ROBO2: variants seen among roughly 807,000 people sequenced by gnomAD.
ROBO2 encodes the protein roundabout guidance receptor 2.
A neutral mutation model predicts 160.8 loss-of-function variants in ROBO2; 53 were observed. The ratio of observed to expected loss-of-function variants is 0.33; its 90% CI spans 0.26 to 0.41. ROBO2 has a LOEUF of 0.41. Among genes scored for constraint, ROBO2 ranks in the 10% least tolerant of loss-of-function variants. The pLI, the probability that ROBO2 is intolerant of heterozygous loss-of-function variation, is 1.00. For missense variants in ROBO2, 1,577 were observed against 1,722.4 expected (o/e 0.92, Z 1.49); for synonymous variants, 664 against 611.7 (o/e 1.09, Z -1.26).
At chr3:77,414,122 A>G (rs1270800160) in intron 2 of ROBO2, among the ~76,000 whole-genome samples, 2 of 152,192 alleles carry the variant, frequency 1.3e-5, no homozygotes, top group Non-Finnish European at 2.9e-5. Context: ...AACCGTAGCT[A>G]GTAGGCAGAA....
chr3:76,609,846 C>T (rs12633662), intron 2 of ROBO2, among the ~76,000 whole-genome samples: 131,170 of 152,212 alleles, frequency 0.86, 58,186 homozygotes, highest in East Asian at 0.98. Flanking sequence ...ATGATACTAG[C>T]TGTGGGTCTG....
At chr3:77,268,623 C>T (rs1009132310) in intron 2 of ROBO2, among the ~76,000 whole-genome samples, 26 of 152,176 alleles carry the variant, frequency 1.7e-4, no homozygotes, top group Admixed American at 5.2e-4. Context: ...AGTACAATTT[C>T]TCTAATATTA....
At chr3:77,334,888 C>T (rs893596019) in intron 2 of ROBO2, among the ~76,000 whole-genome samples, 16 of 152,092 alleles carry the variant, frequency 1.1e-4, no homozygotes, top group Non-Finnish European at 2.2e-4. Flanking sequence ...AGGAGCAAGA[C>T]GATTATCTAT....
intron 2 of ROBO2, among the ~76,000 whole-genome samples, chr3:76,405,238 T>G (rs1193130720): frequency 6.6e-6 from 1 of 151,498 alleles, no homozygotes; most frequent in Non-Finnish European, 1.5e-5. Context: ...GGTTCTCATA[T>G]AAGGTTAAAA....
intron 2 of ROBO2, among the ~76,000 whole-genome samples, chr3:77,214,019 T>C (rs2084565359): frequency 6.6e-6 from 1 of 152,186 alleles, no homozygotes; most frequent in Admixed American, 6.5e-5. Flanking sequence ...AATTTTGGAA[T>C]AGGTGTGGTG....
intron 2 of ROBO2, among the ~76,000 whole-genome samples, chr3:76,117,754 G>T (rs1396587228): frequency 6.6e-6 from 1 of 152,096 alleles, no homozygotes; most frequent in Non-Finnish European, 1.5e-5. Context: ...TCTAGTGGGG[G>T]AGACAGATGT....
chr3:76,659,732 G>A (rs2091739236), intron 2 of ROBO2, among the ~76,000 whole-genome samples: 1 of 152,166 alleles, frequency 6.6e-6, no homozygotes, highest in Non-Finnish European at 1.5e-5. Context: ...GGGATTAACA[G>A]AAATAATCTG....
At chr3:76,017,131 A>G (rs2066427037) in intron 2 of ROBO2, among the ~76,000 whole-genome samples, 1 of 152,150 alleles carries the variant, frequency 6.6e-6, no homozygotes, top group African/African-American at 2.4e-5. Flanking sequence ...GCCAACTACA[A>G]CAATTTGTTT....
intron 2 of ROBO2, among the ~76,000 whole-genome samples, chr3:76,703,325 C>G (rs2093086304): frequency 6.6e-6 from 1 of 152,062 alleles, no homozygotes; most frequent in African/African-American, 2.4e-5. Flanking sequence ...CAGAAAAGCA[C>G]TAAACACCAA....
At chr3:76,612,784 C>T (rs2088237327) in intron 2 of ROBO2, among the ~76,000 whole-genome samples, 1 of 152,170 alleles carries the variant, frequency 6.6e-6, no homozygotes, top group East Asian at 1.9e-4. Context: ...ATATTCACAA[C>T]TGTTATATCC....
intron 2 of ROBO2, among the ~76,000 whole-genome samples, chr3:77,208,293 G>T (rs1278468458): frequency 6.6e-6 from 1 of 152,098 alleles, no homozygotes; most frequent in African/African-American, 2.4e-5. Context: ...TTTTGCTTTG[G>T]ATAAAATATC....
intron 1 of ROBO2, among the ~76,000 whole-genome samples, chr3:77,086,756 G>T (rs894696601): frequency 3.3e-5 from 5 of 152,042 alleles, no homozygotes; most frequent in African/African-American, 1.2e-4. Flanking sequence ...GCTCATGAAG[G>T]CTATAATTTT....
intron 4 of ROBO2, among the ~76,000 whole-genome samples, chr3:77,490,290 C>A (rs756506387): frequency 6.6e-6 from 1 of 151,876 alleles, no homozygotes; most frequent in African/African-American, 2.4e-5. Context: ...CGGGGTTTCA[C>A]CGTGTTAGCC....
intron 2 of ROBO2, among the ~76,000 whole-genome samples, chr3:76,515,155 T>C (rs1027121927): frequency 2.0e-5 from 3 of 152,200 alleles, no homozygotes; most frequent in Non-Finnish European, 4.4e-5. Context: ...TTTGAGATGT[T>C]TAAATAAGTG....
intron 2 of ROBO2, among the ~76,000 whole-genome samples, chr3:76,003,100 G>T (rs2065933645): frequency 6.6e-6 from 1 of 152,154 alleles, no homozygotes; most frequent in African/African-American, 2.4e-5. Flanking sequence ...GGCCCACTAT[G>T]TCCCATTCCT....
intron 17 of ROBO2, among the ~76,000 whole-genome samples, chr3:77,589,628 T>G (rs1421144059): frequency 6.6e-6 from 1 of 152,054 alleles, no homozygotes; most frequent in African/African-American, 2.4e-5. Flanking sequence ...AAGACAGAGT[T>G]TCAAGGGTGT....
At position 77,622,426 on chromosome 3, in the gene ROBO2, G is replaced by A. The variant is rs772303765; in HGVS notation, c.3754G>A (p.Val1252Met). The A allele has an allele frequency of 3.7e-6, 6 of 1,613,930 alleles. No homozygotes were observed. In the African/African-American group the frequency reaches 4.0e-5, roughly 11 times the overall value. The change falls in exon 23 of 26, where the codon GTG becomes ATG. Residue 1252 changes from valine to methionine, a missense_variant. Transcript: ENST00000461745. ...CAGCATGGACAATCTAGACAGCTCT[G>A]TGACAGGTAACGGAACCAATTTAAT...
At chr3:76,397,619 A>C (rs1042048191) in intron 2 of ROBO2, among the ~76,000 whole-genome samples, 3 of 151,552 alleles carry the variant, frequency 2.0e-5, no homozygotes, top group African/African-American at 7.3e-5. Flanking sequence ...AACTCAAACA[A>C]ATTTACAAGA....
chr3:76,939,010 G>C (rs1277835825), intron 2 of ROBO2, among the ~76,000 whole-genome samples: 3 of 144,880 alleles, frequency 2.1e-5, no homozygotes, highest in Admixed American at 1.4e-4. Flanking sequence ...GCCCCACACT[G>C]TTTCTCTGGT....
Sources: gnomAD v4.1 joint callset for allele counts (sites outside exome capture counted in the v4.1 genomes callset) on GRCh38, gnomAD v4.1.1 for gene constraint, MANE v1.5 for transcripts, NCBI Gene and HGNC (gene_info 2026-07-23, HGNC 2026-07-21) for gene names.